AACS: variants seen among roughly 807,000 people sequenced by gnomAD.
The protein encoded by AACS is acetoacetate-CoA ligase.
A neutral mutation model predicts 83.1 loss-of-function variants in AACS; 69 were observed. That is an observed-to-expected ratio of 0.83 (90% CI 0.68 to 1.01). AACS has a LOEUF of 1.01. Among genes scored for constraint, AACS ranks in the 50% least tolerant of loss-of-function variants. The probability of loss-of-function intolerance (pLI) is 0.00; values close to 1 mark genes in which losing one functional copy is unlikely to be tolerated. For missense variants in AACS, 866 were observed against 882.2 expected (o/e 0.98, Z 0.23); for synonymous variants, 333 against 343.4 (o/e 0.97, Z 0.33).
intron 9 of AACS, among the ~76,000 whole-genome samples, chr12:125,116,216 G>A (rs912633683): frequency 1.1e-4 from 16 of 152,106 alleles, no homozygotes; most frequent in Admixed American, 3.3e-4. Context: ...GTGTCCTTAC[G>A]GAGGTGCAGG....
At position 125,124,723 on chromosome 12, in the gene AACS, T is replaced by G. The variant is rs1253729957; in HGVS notation, c.1140T>G (p.Thr380=). The G allele has an allele frequency of 1.2e-6, 2 of 1,614,000 alleles. No individual in the cohort carries two copies. Among genetic ancestry groups the G allele is most frequent in the East Asian group, 4.5e-5 (2 of 44,906 alleles). ...VDRIGITVLV[T]GAKWLSVLEE... is the part of the protein sequence containing the mutation. ...ACCCTAGCATCACTGTCCTGGTAAC[T>G]GGGGCCAAGTGGCTGTCAGTGCTGG... Residue 380 remains threonine (T), a synonymous_variant, in exon 11 of 18, where the codon ACT becomes ACG. Transcript: ENST00000316519.
Position 125,065,489 on chromosome 12 carries a change from A to G in AACS, c.-96A>G. 1.5e-6 allele frequency: 2 copies of G among 1,292,010 alleles called. No individual in the cohort carries two copies. The highest frequency in any genetic ancestry group is 4.1e-5 in the South Asian group (2 of 48,914). 80.0% of individuals were successfully genotyped at this position (1,292,010 alleles called of 1,614,324 possible). On this transcript the variant is annotated 5_prime_UTR_variant, in exon 1 of 18. Coordinates refer to ENST00000316519, the MANE Select transcript of AACS (RefSeq NM_023928.5). The stretch of plus-strand genomic sequence containing the variant: ...TGACCCAGCCCGCCAGGCGCTCCTG[A>G]CCGTCGCTTCCTCCGGTCCCAGGTC...
intron 4 of AACS, chr12:125,091,021 G>A (rs1464093076): frequency 4.8e-6 from 1 of 209,166 alleles, no homozygotes; most frequent in Admixed American, 5.0e-5. Context: ...TCATTTGAGT[G>A]AAGAGCTGCA....
chr12:125,073,990 A>C lies in AACS; in HGVS notation c.237+11A>C, dbSNP rs1955948128. Reference sequence around the variant, plus strand: ...CGTGTGTATGATGAGGTAAGTAGAGATTTTCCGTGGATATCATCTCTTTTT... The same window carrying C: ...CGTGTGTATGATGAGGTAAGTAGAGCTTTTCCGTGGATATCATCTCTTTTT... On this transcript the variant is annotated intron_variant, in intron 2 of 17. Coordinates refer to ENST00000316519, the MANE Select transcript of AACS (RefSeq NM_023928.5). 26 of 1,593,626 alleles carry C rather than the reference A, an allele frequency of 1.6e-5. No homozygotes were observed. The East Asian group carries it at 5.8e-4, about 36-fold the overall frequency.
At chr12:125,124,125 A>G (rs774851146) in intron 10 of AACS, 2 of 152,444 alleles carry the variant, frequency 1.3e-5, no homozygotes, top group African/African-American at 4.8e-5. Flanking sequence ...CCAGCCTGGC[A>G]ACATAGCAAG....
intron 14 of AACS, among the ~76,000 whole-genome samples, chr12:125,132,021 C>T (rs2136135561): frequency 6.6e-6 from 1 of 152,376 alleles, no homozygotes; most frequent in Non-Finnish European, 1.5e-5. Flanking sequence ...CCTGTTCCCA[C>T]TGTATTTCCA....
chr12:125,076,183 C>T (rs545629884), intron 2 of AACS, among the ~76,000 whole-genome samples: 24 of 152,284 alleles, frequency 1.6e-4, no homozygotes, highest in African/African-American at 4.6e-4. Context: ...CAGAGCCTGA[C>T]GTGTTGGGTG....
chr12:125,107,133 T>A lies in AACS; in HGVS notation c.780T>A (p.Asp260Glu). The part of the protein sequence containing the change: ...LSKIPNSVFL[D>E]DFLATGTSEQ... ...TTTCGGCCCACAGTGTGTTTCTGGA[T>A]GACTTTCTTGCCACCGGCACCAGTG... The change falls in exon 8 of 18, where the codon GAT becomes GAA. Residue 260 changes from aspartate (D) to glutamate (E), a missense_variant. Asp to Glu is a conservative substitution (Grantham distance 45, BLOSUM62 2). Coordinates refer to ENST00000316519, the MANE Select transcript of AACS (RefSeq NM_023928.5). 2 of 1,614,162 alleles carry A rather than the reference T, an allele frequency of 1.2e-6. No homozygotes were observed. The highest frequency in any genetic ancestry group is 1.7e-6 in the Non-Finnish European group (2 of 1,180,022).
intron 5 of AACS, 200 bp from the exon 6 acceptor site, chr12:125,102,479 T>C (rs7137679): frequency 0.48 from 245,728 of 508,288 alleles, 61,875 homozygotes; most frequent in Non-Finnish European, 0.5. Context: ...GCCATTTTTT[T>C]TTTTAGAGAC....
Position 125,130,549 on chromosome 12 carries a change from G to A in AACS, c.1549+1089G>A, listed in dbSNP as rs777610531. ...AAGAAATGATGGCCCTTCATCTTCT[G>A]TAACATTGCTCTTTGAAAACTCTCT... is the stretch of plus-strand genomic sequence containing the variant. On this transcript the variant is annotated intron_variant, in intron 14 of 17. Coordinates refer to ENST00000316519, the MANE Select transcript of AACS (RefSeq NM_023928.5). The surrounding 1 kb of genome is among the most constrained non-coding windows in gnomAD (Gnocchi z 4.9). 6.6e-6 allele frequency among the ~76,000 whole-genome samples: 1 copy of A among 152,256 alleles called. No homozygotes were observed. Among genetic ancestry groups the A allele is most frequent in the Non-Finnish European group, 1.5e-5 (1 of 68,042 alleles).
At chr12:125,108,412 G>T (rs150253572) in intron 8 of AACS, among the ~76,000 whole-genome samples, 1 of 152,152 alleles carries the variant, frequency 6.6e-6, no homozygotes, top group Non-Finnish European at 1.5e-5. Flanking sequence ...CAGTCAGATC[G>T]GATCTGGGCC....
intron 8 of AACS, among the ~76,000 whole-genome samples, chr12:125,108,013 T>C (rs558282551): frequency 6.6e-6 from 1 of 152,178 alleles, no homozygotes; most frequent in African/African-American, 2.4e-5. Context: ...ATAAGAGGTA[T>C]GGGTGGTGTT....
intron 3 of AACS, among the ~76,000 whole-genome samples, chr12:125,080,858 AT>A (rs1389876088): frequency 8.6e-5 from 13 of 150,706 alleles, no homozygotes; most frequent in Non-Finnish European, 1.8e-4. Flanking sequence ...CGCCTGGCTA[AT>A]TTTTTGTATT....
chr12:125,117,455 T>A (rs958237288), intron 9 of AACS: 1 of 152,042 alleles, frequency 6.6e-6, no homozygotes. Context: ...CAGGTCTCAC[T>A]GTGTTACCCA....
chr12:125,091,537 T>G lies in AACS; in HGVS notation c.570+14T>G. The G allele has an allele frequency of 6.2e-7, 1 of 1,613,656 alleles. No individual in the cohort carries two copies. Among genetic ancestry groups the G allele is most frequent in the Non-Finnish European group, 8.5e-7 (1 of 1,179,538 alleles). ...TTCGGTGTGAATGTGAGTCAGGGTC[T>G]GTGACAGAGGGGGCACCCCTTGCCC... On this transcript the variant is annotated intron_variant, in intron 5 of 17. Transcript: ENST00000316519.
At chr12:125,133,351 A>G (rs1436247257) in intron 14 of AACS, among the ~76,000 whole-genome samples, 2 of 151,996 alleles carry the variant, frequency 1.3e-5, no homozygotes, top group Admixed American at 1.3e-4. Context: ...TCATGGTGCC[A>G]CCCCAGCGTG....
In AACS at chr12:125,065,621, C is replaced by T. The variant is rs985005387; in HGVS notation, c.37C>T (p.Leu13=). The T allele has an allele frequency of 1.9e-6, 3 of 1,541,110 alleles. No individual in the cohort carries two copies. Among genetic ancestry groups the T allele is most frequent in the Non-Finnish European group, 2.6e-6 (3 of 1,142,636 alleles). ...KEERPGREEI[L]ECQVMWEPDS... is the part of the protein sequence containing the mutation. ...GGAGCGCCCCGGTCGGGAGGAGATC[C>T]TGGAGTGCCAGGTGATGTGGGAGCC... Residue 13 remains leucine (L), a synonymous_variant, in exon 1 of 18, where the codon CTG becomes TTG. Transcript: ENST00000316519.
chr12:125,090,723 T>TCATC (rs113268265), intron 4 of AACS, among the ~76,000 whole-genome samples: 2 of 142,506 alleles, frequency 1.4e-5, no homozygotes, highest in African/African-American at 3.1e-5. Context: ...TCCTCATCCA[T>TCATC]CATCCATCCA....
intron 3 of AACS, among the ~76,000 whole-genome samples, chr12:125,079,654 G>A (rs1309549485): frequency 6.6e-6 from 1 of 152,076 alleles, no homozygotes; most frequent in Non-Finnish European, 1.5e-5. Context: ...CTCCCAAAGT[G>A]CTGGGATTAT....
Sources: gnomAD v4.1 joint callset for allele counts (sites outside exome capture counted in the v4.1 genomes callset) on GRCh38, gnomAD v4.1.1 for gene constraint, Gnocchi (gnomAD v3.1) non-coding constraint, MANE v1.5 for transcripts, NCBI Gene and HGNC (gene_info 2026-07-23, HGNC 2026-07-21) for gene names.